GLG1: variants seen among roughly 807,000 people sequenced by gnomAD.
GLG1 encodes Golgi apparatus protein 1.
A neutral mutation model predicts 160.5 loss-of-function variants in GLG1; 38 were observed. The ratio of observed to expected loss-of-function variants is 0.24; its 90% CI spans 0.18 to 0.31. GLG1 has a LOEUF of 0.31. Ranked by LOEUF, GLG1 falls within the 10% of genes least tolerant of loss-of-function variation. GLG1 has a pLI of 1.00. For missense variants in GLG1, 1,373 were observed against 1,505.2 expected (o/e 0.91, Z 1.45); for synonymous variants, 644 against 543.4 (o/e 1.19, Z -2.57).
intron 7 of GLG1, among the ~76,000 whole-genome samples, chr16:74,491,449 T>C (rs956844377): frequency 2.0e-5 from 3 of 152,282 alleles, no homozygotes; most frequent in African/African-American, 4.8e-5. Flanking sequence ...TTTATACTAC[T>C]GCACTAATAA....
intron 1 of GLG1, among the ~76,000 whole-genome samples, chr16:74,580,603 T>C (rs566874037): frequency 2.3e-4 from 35 of 152,254 alleles, no homozygotes; most frequent in Middle Eastern, 3.4e-3. Flanking sequence ...AAAAGCTTCA[T>C]GACATTGAAT....
chr16:74,469,131 G>T lies in GLG1; in HGVS notation c.2319-68C>A. 5 of 965,374 alleles carry T rather than the reference G, an allele frequency of 5.2e-6. No individual in the cohort carries two copies. In the South Asian group the frequency reaches 5.3e-5, roughly 10 times the overall value. The allele number at this position is 965,374 out of a possible 1,614,324, so 59.8% of individuals were successfully genotyped here. A position where few individuals can be genotyped will look rare whatever the true frequency, so the allele number is the denominator to read the frequency against. On this transcript the variant is annotated intron_variant, in intron 16 of 25. Transcript: ENST00000422840. ...GGCAGATGGCCTGAGAGCTGGGCTT[G>T]GGGGGGGTCACACCATTAAGAATTC... is the stretch of plus-strand genomic sequence containing the variant.
chr16:74,491,191 T>C lies in GLG1; in HGVS notation c.1259A>G (p.Gln420Arg), dbSNP rs1183538029. The C allele has an allele frequency of 6.2e-7, 1 of 1,613,750 alleles. No individual in the cohort carries two copies. The highest frequency in any genetic ancestry group is 2.2e-5 in the East Asian group (1 of 44,902). ...HRGRQVSSEC[Q>R]GEMLDYRRML... The stretch of plus-strand genomic sequence containing the variant: ...GCGTCGGTAATCCAGCATCTCCCCC[T>C]GGCACTCACTGCTGACTTGTCGCCC... Residue 420 changes from glutamine (Q) to arginine (R), a missense_variant, in exon 8 of 26, where the codon CAG (glutamine) becomes CGG (arginine). Gln to Arg is a conservative substitution (Grantham distance 43). Around this residue, in one of 4 missense-constraint regions of GLG1, gnomAD observed 386 missense variants for 388.5 expected, o/e 0.99. Transcript: ENST00000422840.
chr16:74,482,973 C>T lies in GLG1; in HGVS notation c.1673+50G>A, dbSNP rs367846044. 240 of 944,860 alleles carry T rather than the reference C, an allele frequency of 2.5e-4. 1 individual carries two copies. The highest frequency in any genetic ancestry group is 3.4e-4 in the Non-Finnish European group (192 of 571,374). The allele number at this position is 944,860 out of a possible 1,614,324, so 58.5% of individuals were successfully genotyped here. ...ATAAATACAGGTAATTATGACTACA[C>T]AGGAGAAGAGGCTGAGGCAATACAT... On this transcript the variant is annotated intron_variant, in intron 10 of 25. Coordinates refer to ENST00000422840, the MANE Select transcript of GLG1 (RefSeq NM_001145667.2).
intron 1 of GLG1, among the ~76,000 whole-genome samples, chr16:74,543,601 G>A (rs1443205577): frequency 6.6e-6 from 1 of 152,172 alleles, no homozygotes; most frequent in East Asian, 1.9e-4. Context: ...TCATTCTACA[G>A]TTGGTAGAAA....
chr16:74,526,155 T>C (rs2017325952), intron 2 of GLG1, among the ~76,000 whole-genome samples: 1 of 152,086 alleles, frequency 6.6e-6, no homozygotes, highest in African/African-American at 2.4e-5. Flanking sequence ...AAAATATAAC[T>C]TGTACATAAA....
intron 11 of GLG1, among the ~76,000 whole-genome samples, chr16:74,478,890 G>A (rs1405812642): frequency 3.0e-5 from 2 of 67,440 alleles, no homozygotes; most frequent in African/African-American, 5.8e-5. Flanking sequence ...GTGAAACTCC[G>A]TCTCAAAAAA....
chr16:74,463,309 CT>C, intron 20 of GLG1, 46 bp downstream of exon 20: 5 of 1,601,842 alleles, frequency 3.1e-6, no homozygotes, highest in Non-Finnish European at 4.3e-6. Context: ...CACTGAATTC[CT>C]TTTCAGATAC....
At chr16:74,456,292 C>G (rs906611196) in intron 25 of GLG1, among the ~76,000 whole-genome samples, 1 of 152,180 alleles carries the variant, frequency 6.6e-6, no homozygotes, top group African/African-American at 2.4e-5. Context: ...TCCAGGCTCA[C>G]GGGCAGCCAA....
chr16:74,567,986 G>A (rs1350523436), intron 1 of GLG1, among the ~76,000 whole-genome samples: 2 of 152,228 alleles, frequency 1.3e-5, no homozygotes, highest in African/African-American at 2.4e-5. Context: ...GACACAGATA[G>A]AGCAAATGAG....
intron 1 of GLG1, among the ~76,000 whole-genome samples, chr16:74,575,288 A>G (rs1029906913): frequency 3.3e-5 from 5 of 152,186 alleles, no homozygotes; most frequent in South Asian, 2.1e-4. Flanking sequence ...GTTAATACAA[A>G]TGAGTAAACT....
chr16:74,556,602 T>A (rs1182964558), intron 1 of GLG1, among the ~76,000 whole-genome samples: 1 of 152,110 alleles, frequency 6.6e-6, no homozygotes, highest in East Asian at 1.9e-4. Flanking sequence ...GAGGAATGCT[T>A]AAGCCTAGCC....
intron 1 of GLG1, among the ~76,000 whole-genome samples, chr16:74,599,300 T>C (rs1958382397): frequency 1.3e-5 from 2 of 152,236 alleles, no homozygotes; most frequent in South Asian, 4.1e-4. Flanking sequence ...TTTCGGTCAA[T>C]ACAGCCCCTT....
intron 1 of GLG1, among the ~76,000 whole-genome samples, chr16:74,588,391 T>C (rs764287851): frequency 2.0e-4 from 30 of 152,272 alleles, no homozygotes; most frequent in Middle Eastern, 3.4e-3. Flanking sequence ...TTTAAAAGAT[T>C]TGAATTTAAG....
In GLG1 at chr16:74,462,036, C is replaced by T. The variant is rs147946421; in HGVS notation, c.3036+58G>A. On this transcript the variant is annotated intron_variant, in intron 22 of 25. Transcript: ENST00000422840. ...GGGAGAGAAAGTAAACAACTTTTCT[C>T]CAGTGGAAACTTCTCTGAGCAGCTC... is the stretch of plus-strand genomic sequence containing the variant. 9.3e-6 allele frequency: 8 copies of T among 861,120 alleles called. No individual in the cohort carries two copies. In the African/African-American group the frequency reaches 1.3e-4, roughly 14 times the overall value. 53.3% of individuals were successfully genotyped at this position (861,120 alleles called of 1,614,324 possible). A position where few individuals can be genotyped will look rare whatever the true frequency, so the allele number is the denominator to read the frequency against.
chr16:74,469,272 T>C (rs546282174), intron 16 of GLG1: 73 of 584,570 alleles, frequency 1.2e-4, no homozygotes, highest in Non-Finnish European at 2.1e-4. Flanking sequence ...GCATGAATGC[T>C]GACTACATTC....
In GLG1 at chr16:74,606,793, C is replaced by T; in HGVS notation, c.302G>A (p.Arg101Gln). ...PFPAGGPPAR[R>Q]GGAGAGGGWK... ...GCCCCCACCAGCCCCCGCTCCTCCC[C>T]GCCGGGCCGGAGGCCCACCCGCCGG... The change falls in exon 1 of 26, where the codon CGG (arginine) becomes CAG (glutamine). Residue 101 changes from arginine to glutamine, a missense_variant. Arg to Gln is a conservative substitution (Grantham distance 43). This residue lies in a region of GLG1 where 322 missense variants were observed against 254.6 expected (regional missense o/e 1.26). Coordinates refer to ENST00000422840, the MANE Select transcript of GLG1 (RefSeq NM_001145667.2). 1 of 1,600,484 alleles carries T rather than the reference C, an allele frequency of 6.2e-7. No individual in the cohort carries two copies. The highest frequency in any genetic ancestry group is 8.5e-7 in the Non-Finnish European group (1 of 1,173,852).
chr16:74,576,741 A>G (rs1295712924), intron 1 of GLG1, among the ~76,000 whole-genome samples: 1 of 152,210 alleles, frequency 6.6e-6, no homozygotes, highest in Non-Finnish European at 1.5e-5. Context: ...AAAAATTGCT[A>G]AACAAAAAAA....
At chr16:74,538,727 GA>G (rs1331699197) in intron 1 of GLG1, among the ~76,000 whole-genome samples, 22 of 64,314 alleles carry the variant, frequency 3.4e-4, no homozygotes, top group African/African-American at 1.2e-3. Flanking sequence ...GAGATTTTGA[GA>G]TTTTTTTTTT....
Sources: allele counts gnomAD v4.1 joint callset (sites outside exome capture counted in the v4.1 genomes callset), GRCh38; gene constraint gnomAD v4.1.1; regional missense constraint gnomAD v4.1.1; transcripts MANE v1.5; gene names NCBI Gene and HGNC (gene_info 2026-07-23, HGNC 2026-07-21).